ABI3BP: variants seen among roughly 807,000 people sequenced by gnomAD.
ABI3BP encodes ABI family member 3 binding protein.
Under a neutral mutation model 268.6 loss-of-function variants are expected in ABI3BP, and 216 were observed. That is an observed-to-expected ratio of 0.80 (90% CI 0.72 to 0.90). The LOEUF is 0.90. ABI3BP is among the 40% of genes least tolerant of loss of function. ABI3BP has a pLI of 0.00. For missense variants in ABI3BP, 2,090 were observed against 2,182.4 expected (o/e 0.96, Z 0.84); for synonymous variants, 730 against 730.0 (o/e 1.00, Z 0.00).
chr3:100,911,549 T>C (rs906431508), intron 2 of ABI3BP: 3 of 596,480 alleles, frequency 5.0e-6, no homozygotes, highest in South Asian at 1.9e-5. Context: ...TTACATATTT[T>C]ATCTTATGTA....
chr3:100,795,481 T>C (rs1033865658), intron 53 of ABI3BP, among the ~76,000 whole-genome samples: 2 of 152,068 alleles, frequency 1.3e-5, no homozygotes, highest in African/African-American at 4.8e-5. Context: ...CATACTAGTA[T>C]GTTACATTAC....
intron 30 of ABI3BP, 106 bp from the exon 31 acceptor site, chr3:100,832,456 C>T (rs992815804): frequency 9.3e-7 from 1 of 1,076,760 alleles, no homozygotes. Flanking sequence ...TTTGAGTTGA[C>T]AGAACTTTGT....
At position 100,837,175 on chromosome 3, in the gene ABI3BP, C is replaced by T; in HGVS notation, c.2084-4G>A. On this transcript the variant is annotated splice_region_variant and splice_polypyrimidine_tract_variant and intron_variant, in intron 26 of 67. Transcript: ENST00000471714. Reference sequence around the variant, plus strand: ...TCAAATGGAACAGGCTCAGAGACTGCATCATAAAAAATAAACAGATATAAG... The same window carrying T: ...TCAAATGGAACAGGCTCAGAGACTGTATCATAAAAAATAAACAGATATAAG... 1 of 1,532,212 alleles carries T rather than the reference C, an allele frequency of 6.5e-7. No homozygotes were observed. The highest frequency in any genetic ancestry group is 1.2e-5 in the South Asian group (1 of 83,336). 94.9% of individuals were successfully genotyped at this position (1,532,212 alleles called of 1,614,324 possible). A position where few individuals can be genotyped will look rare whatever the true frequency, so the allele number is the denominator to read the frequency against.
intron 54 of ABI3BP, among the ~76,000 whole-genome samples, chr3:100,794,557 A>G (rs1430850970): frequency 6.6e-6 from 1 of 151,928 alleles, no homozygotes; most frequent in Non-Finnish European, 1.5e-5. Flanking sequence ...CTTAATAAAT[A>G]CTAGATAAGT....
intron 31 of ABI3BP, among the ~76,000 whole-genome samples, chr3:100,832,009 G>C (rs1312550870): frequency 6.6e-6 from 1 of 152,126 alleles, no homozygotes; most frequent in Non-Finnish European, 1.5e-5. Flanking sequence ...GATTGTGCTG[G>C]CTCAATACTG....
At chr3:100,812,991 C>T (rs1020837582) in intron 45 of ABI3BP, among the ~76,000 whole-genome samples, 3 of 152,122 alleles carry the variant, frequency 2.0e-5, no homozygotes, top group Non-Finnish European at 4.4e-5. Context: ...AGCGATCCTC[C>T]TACCTGAGCC....
intron 9 of ABI3BP, among the ~76,000 whole-genome samples, chr3:100,873,942 TA>T (rs1240125738): frequency 6.6e-6 from 1 of 152,230 alleles, no homozygotes; most frequent in Non-Finnish European, 1.5e-5. Flanking sequence ...TATTAAACAT[TA>T]AAGTTCACAG....
chr3:100,820,412 C>A, intron 39 of ABI3BP, 109 bp from the exon 40 acceptor site: 1 of 865,130 alleles, frequency 1.2e-6, no homozygotes. Context: ...TCTCATATTT[C>A]AGGAAATTTG....
chr3:100,777,917 G>T (rs2096754248), intron 59 of ABI3BP, among the ~76,000 whole-genome samples: 1 of 152,178 alleles, frequency 6.6e-6, no homozygotes, highest in Admixed American at 6.5e-5. Context: ...TTTATTTCAG[G>T]AGACAGAATG....
intron 63 of ABI3BP, among the ~76,000 whole-genome samples, chr3:100,762,843 C>G (rs2096051997): frequency 6.6e-6 from 1 of 152,132 alleles, no homozygotes; most frequent in African/African-American, 2.4e-5. Flanking sequence ...CATGAAAGCA[C>G]CTTTACATCC....
chr3:100,790,782 C>A (rs2097177328), intron 55 of ABI3BP, among the ~76,000 whole-genome samples: 1 of 151,738 alleles, frequency 6.6e-6, no homozygotes, highest in South Asian at 2.1e-4. Context: ...CACATAAATC[C>A]CTTTGAATGT....
intron 1 of ABI3BP, among the ~76,000 whole-genome samples, chr3:100,992,152 C>T (rs1900908): frequency 0.26 from 39,065 of 151,938 alleles, 5,558 homozygotes; most frequent in East Asian, 0.44. Context: ...ATTATTTGAT[C>T]AGAGTTGAGA....
chr3:100,905,482 A>G (rs2052947491), intron 2 of ABI3BP, among the ~76,000 whole-genome samples: 1 of 151,842 alleles, frequency 6.6e-6, no homozygotes, highest in Admixed American at 6.6e-5. Flanking sequence ...TTAGCCAACC[A>G]CTTATGCTGA....
chr3:100,930,029 A>G (rs2063115149), intron 1 of ABI3BP, among the ~76,000 whole-genome samples: 1 of 152,048 alleles, frequency 6.6e-6, no homozygotes, highest in South Asian at 2.1e-4. Flanking sequence ...ATCTTTGATA[A>G]TACATTTATT....
intron 4 of ABI3BP, among the ~76,000 whole-genome samples, chr3:100,897,984 AC>A (rs965354405): frequency 3.3e-5 from 5 of 152,224 alleles, no homozygotes; most frequent in African/African-American, 1.2e-4. Flanking sequence ...TTTATAACCA[AC>A]CTAGAAGTAT....
At chr3:100,928,858 G>C (rs757968236) in intron 1 of ABI3BP, among the ~76,000 whole-genome samples, 1 of 152,068 alleles carries the variant, frequency 6.6e-6, no homozygotes, top group Non-Finnish European at 1.5e-5. Context: ...AAAGAGTAAG[G>C]AGTGGCCACA....
At chr3:100,801,395 TC>T (rs2097530349) in intron 51 of ABI3BP, among the ~76,000 whole-genome samples, 1 of 125,398 alleles carries the variant, frequency 8.0e-6, no homozygotes, top group Non-Finnish European at 1.6e-5. Context: ...ATCATTACAC[TC>T]CAGCCTGGGC....
intron 2 of ABI3BP, among the ~76,000 whole-genome samples, chr3:100,908,684 G>A (rs990013744): frequency 6.6e-6 from 1 of 152,036 alleles, no homozygotes; most frequent in Non-Finnish European, 1.5e-5. Flanking sequence ...AAAATACCTA[G>A]GAATCAAACT....
chr3:100,981,875 TC>T (rs1270623244), intron 1 of ABI3BP, among the ~76,000 whole-genome samples: 1 of 152,172 alleles, frequency 6.6e-6, no homozygotes, highest in African/African-American at 2.4e-5. Flanking sequence ...AGCACCAGTG[TC>T]CAGGCTACTG....
Sources: gnomAD v4.1 joint callset for allele counts (sites outside exome capture counted in the v4.1 genomes callset) on GRCh38, gnomAD v4.1.1 for gene constraint, MANE v1.5 for transcripts, NCBI Gene and HGNC (gene_info 2026-07-23, HGNC 2026-07-21) for gene names.